The following UIMC1 variants were observed in gnomAD, a reference collection of about 807,000 sequenced individuals.
The protein encoded by UIMC1 is ubiquitin interaction motif containing 1, also known as BRCA1-A complex subunit RAP80.
UIMC1 carries 42 observed loss-of-function variants against 84.9 expected under a neutral mutation model. The observed-to-expected ratio is 0.49, with a 90% confidence interval of 0.39 to 0.64. The LOEUF is 0.64. Among genes scored for constraint, UIMC1 ranks in the 30% least tolerant of loss-of-function variants. The probability of loss-of-function intolerance (pLI) is 0.00; values close to 1 mark genes in which losing one functional copy is unlikely to be tolerated. For synonymous variants in UIMC1, 281 were observed against 293.0 expected (o/e 0.96, Z 0.42); for missense variants, 825 against 847.6 (o/e 0.97, Z 0.33).
At chr5:177,003,019 T>A (rs1377300728) in intron 1 of UIMC1, among the ~76,000 whole-genome samples, 1 of 152,086 alleles carries the variant, frequency 6.6e-6, no homozygotes, top group South Asian at 2.1e-4. Flanking sequence ...TACGCACCTA[T>A]AAATATTTGC....
At chr5:176,962,534 GC>G (rs1277078539) in intron 6 of UIMC1, among the ~76,000 whole-genome samples, 3 of 105,914 alleles carry the variant, frequency 2.8e-5, no homozygotes, top group African/African-American at 9.2e-5. Context: ...GGGGGGGTCA[GC>G]CCCCCGCCCG....
chr5:176,968,406 A>C (rs1768653963), intron 6 of UIMC1, 149 bp downstream of exon 6: 1 of 1,114,302 alleles, frequency 9.0e-7, no homozygotes, highest in Admixed American at 3.1e-5. Context: ...TTTCTTCTTT[A>C]TACTCTCCTG....
chr5:176,965,843 T>C (rs1302646015), intron 6 of UIMC1, among the ~76,000 whole-genome samples: 1 of 152,222 alleles, frequency 6.6e-6, no homozygotes, highest in Non-Finnish European at 1.5e-5. Context: ...GTCTATGATG[T>C]AGAGCTCTGG....
intron 10 of UIMC1, among the ~76,000 whole-genome samples, chr5:176,935,977 C>T (rs142386041): frequency 0.011 from 1,632 of 152,308 alleles, 10 homozygotes; most frequent in South Asian, 0.025. Context: ...AAAGTGTATA[C>T]AGTTAATGCC....
intron 10 of UIMC1, among the ~76,000 whole-genome samples, chr5:176,923,511 C>T (rs982921535): frequency 2.6e-5 from 4 of 151,498 alleles, no homozygotes; most frequent in African/African-American, 9.7e-5. Context: ...GACAGTGCCA[C>T]TGCACTCCAG....
At chr5:176,956,395 C>T (rs1177943654) in intron 7 of UIMC1, among the ~76,000 whole-genome samples, 1 of 152,194 alleles carries the variant, frequency 6.6e-6, no homozygotes, top group African/African-American at 2.4e-5. Flanking sequence ...TCTCAGCCTT[C>T]TGAAGGCTAG....
chr5:176,910,163 G>A (rs1194435093), intron 11 of UIMC1, among the ~76,000 whole-genome samples: 2 of 152,208 alleles, frequency 1.3e-5, no homozygotes, highest in African/African-American at 2.4e-5. Context: ...GCAATACAAT[G>A]TGAGGAATTC....
Position 176,961,075 on chromosome 5 carries a change from T to C in UIMC1, c.1201-2921A>G, listed in dbSNP as rs1348630101. Among the ~76,000 whole-genome samples the C allele has an allele frequency of 2.8e-5, 2 of 70,592 alleles. 1 individual carries two copies. Among genetic ancestry groups the C allele is most frequent in the East Asian group, 7.2e-4 (2 of 2,794 alleles). The allele number at this position is 70,592 out of a possible 152,430, so 46.3% of individuals were successfully genotyped here. A position where few individuals can be genotyped will look rare whatever the true frequency, so the allele number is the denominator to read the frequency against. On this transcript the variant is annotated intron_variant, in intron 6 of 14. Coordinates refer to ENST00000511320, the MANE Select transcript of UIMC1 (RefSeq NM_001199298.2). ...CACCCCGTCTGGGAAGTGAGGAGTG[T>C]CTCTGCCTGGCCGCCCATCGTCTGG...
chr5:176,936,868 CCCTCTG>C (rs1348026528), intron 10 of UIMC1, among the ~76,000 whole-genome samples: 1 of 152,290 alleles, frequency 6.6e-6, no homozygotes, highest in African/African-American at 2.4e-5. Flanking sequence ...ATTCCCCTCT[CCCTCTG>C]CTTTACTTTT....
chr5:177,016,073 GA>G (rs929318858), intron 1 of UIMC1, among the ~76,000 whole-genome samples: 3 of 150,816 alleles, frequency 2.0e-5, no homozygotes, highest in Non-Finnish European at 4.4e-5. Flanking sequence ...TCTCAAAAAA[GA>G]AAAAAAGAGG....
At chr5:176,969,823 G>T in intron 4 of UIMC1, 117 bp from the exon 5 acceptor site, 1 of 793,516 alleles carries the variant, frequency 1.3e-6, no homozygotes, top group Non-Finnish European at 2.0e-6. Flanking sequence ...TTTCTAAAAT[G>T]TAAATGGCTC....
intron 8 of UIMC1, among the ~76,000 whole-genome samples, chr5:176,952,455 A>G (rs180936038): frequency 6.6e-6 from 1 of 152,352 alleles, no homozygotes; most frequent in Admixed American, 6.5e-5. Flanking sequence ...AACTAGATAC[A>G]GCTCATGGGC....
intron 6 of UIMC1, among the ~76,000 whole-genome samples, chr5:176,959,786 C>CT (rs1767103489): frequency 6.6e-6 from 1 of 151,668 alleles, no homozygotes; most frequent in Admixed American, 6.6e-5. Flanking sequence ...AATCCCAGCA[C>CT]TTTGGGAGGC....
intron 1 of UIMC1, among the ~76,000 whole-genome samples, chr5:177,001,671 GCT>G (rs1053780406): frequency 1.3e-5 from 2 of 152,030 alleles, no homozygotes; most frequent in Non-Finnish European, 2.9e-5. Context: ...AGGTGCAGTG[GCT>G]CACGCCTGTA....
chr5:177,011,626 A>G, upstream of UIMC1, among the ~76,000 whole-genome samples: 1 of 152,002 alleles, frequency 6.6e-6, no homozygotes, highest in East Asian at 1.9e-4. Flanking sequence ...CTCTTAGAAG[A>G]AAACATATGG....
intron 6 of UIMC1, among the ~76,000 whole-genome samples, chr5:176,961,229 C>CGT (rs1478953401): frequency 5.6e-4 from 9 of 16,082 alleles, no homozygotes; most frequent in Admixed American, 3.4e-3. Context: ...AAGTGAGGAG[C>CGT]GTCTCTGCCC....
chr5:176,930,295 A>G (rs1762925828), intron 10 of UIMC1, among the ~76,000 whole-genome samples: 1 of 152,228 alleles, frequency 6.6e-6, no homozygotes, highest in Non-Finnish European at 1.5e-5. Context: ...ATTAAAAAAT[A>G]TATTGACCAC....
intron 3 of UIMC1, among the ~76,000 whole-genome samples, chr5:176,971,969 G>C (rs899338850): frequency 9.2e-5 from 14 of 152,224 alleles, no homozygotes; most frequent in African/African-American, 3.1e-4. Flanking sequence ...AAAATACATA[G>C]ACTAACCAGT....
chr5:177,002,327 G>C (rs1385582085), intron 1 of UIMC1, among the ~76,000 whole-genome samples: 1 of 151,918 alleles, frequency 6.6e-6, no homozygotes, highest in Non-Finnish European at 1.5e-5. Context: ...ATTAACCTCT[G>C]GTGATCCAAG....
Sources: gnomAD v4.1 joint callset for allele counts (sites outside exome capture counted in the v4.1 genomes callset) on GRCh38, gnomAD v4.1.1 for gene constraint, MANE v1.5 for transcripts, NCBI Gene and HGNC (gene_info 2026-07-23, HGNC 2026-07-21) for gene names.